Variants in STPG2 observed in about 807,000 individuals in gnomAD.
STPG2 encodes sperm-tail PG-rich repeat-containing protein 2.
A neutral mutation model predicts 54.2 loss-of-function variants in STPG2; 56 were observed. That is an observed-to-expected ratio of 1.03 (90% CI 0.83 to 1.29). The LOEUF is 1.29. STPG2 is among the 50% of genes most tolerant of loss of function. The pLI, the probability that STPG2 is intolerant of heterozygous loss-of-function variation, is 0.00. For missense variants in STPG2, 596 were observed against 544.9 expected (o/e 1.09, Z -0.93); for synonymous variants, 200 against 181.8 (o/e 1.10, Z -0.81).
At chr4:97,952,374 C>A (rs546086539) in intron 7 of STPG2, among the ~76,000 whole-genome samples, 1 of 152,254 alleles carries the variant, frequency 6.6e-6, no homozygotes, top group Non-Finnish European at 1.5e-5. Context: ...CCCAGTACTG[C>A]AACTGTGCCT....
chr4:97,668,762 G>GGAA (rs3974913), intron 10 of STPG2, among the ~76,000 whole-genome samples: 85,583 of 151,514 alleles, frequency 0.56, 24,255 homozygotes, highest in South Asian at 0.66. Flanking sequence ...ATAATGTATA[G>GGAA]GATAGAGTAG....
intron 8 of STPG2, among the ~76,000 whole-genome samples, chr4:97,856,368 T>A (rs1342770711): frequency 6.6e-6 from 1 of 152,228 alleles, no homozygotes; most frequent in Non-Finnish European, 1.5e-5. Flanking sequence ...CTTAAAAAGA[T>A]CCTTCACTTC....
intron 10 of STPG2, among the ~76,000 whole-genome samples, chr4:97,570,934 A>G (rs568422329): frequency 6.6e-6 from 1 of 152,128 alleles, no homozygotes; most frequent in Admixed American, 6.5e-5. Context: ...CTTTCGTTAC[A>G]GGGGTTCATT....
intron 7 of STPG2, among the ~76,000 whole-genome samples, chr4:97,948,448 T>C (rs1328386155): frequency 6.6e-6 from 1 of 152,126 alleles, no homozygotes; most frequent in African/African-American, 2.4e-5. Flanking sequence ...GTTACTTCTT[T>C]TCTTCTAGAT....
At chr4:97,968,806 T>C (rs1734211372) in intron 7 of STPG2, among the ~76,000 whole-genome samples, 1 of 152,218 alleles carries the variant, frequency 6.6e-6, no homozygotes, top group African/African-American at 2.4e-5. Context: ...CTGATTATTG[T>C]AAATACAAAA....
At chr4:97,925,520 G>C (rs1011916565) in intron 8 of STPG2, among the ~76,000 whole-genome samples, 1 of 152,152 alleles carries the variant, frequency 6.6e-6, no homozygotes, top group East Asian at 1.9e-4. Flanking sequence ...CCTGCAGTAA[G>C]AAAATTTATT....
At chr4:97,530,048 A>G (rs2148852575) in intron 4 of STPG2, among the ~76,000 whole-genome samples, 1 of 152,302 alleles carries the variant, frequency 6.6e-6, no homozygotes, top group South Asian at 2.1e-4. Context: ...CTGTGAAATA[A>G]ATCTCCAAAT....
chr4:97,684,056 T>C (rs987851446), intron 10 of STPG2, among the ~76,000 whole-genome samples: 10 of 151,796 alleles, frequency 6.6e-5, no homozygotes, highest in African/African-American at 2.4e-4. Flanking sequence ...ACAAAATAGG[T>C]ACAAGAGATA....
At chr4:98,066,241 T>C (rs1737831420) in intron 5 of STPG2, among the ~76,000 whole-genome samples, 1 of 152,214 alleles carries the variant, frequency 6.6e-6, no homozygotes, top group Non-Finnish European at 1.5e-5. Context: ...TGGGATATAG[T>C]ATGTATTAAT....
At chr4:98,067,616 T>A (rs1737873711) in intron 5 of STPG2, among the ~76,000 whole-genome samples, 1 of 152,178 alleles carries the variant, frequency 6.6e-6, no homozygotes, top group African/African-American at 2.4e-5. Context: ...ATGAAAAATA[T>A]GTTTAATGTC....
chr4:97,958,570 C>A (rs1011854038), intron 7 of STPG2, among the ~76,000 whole-genome samples: 1 of 152,136 alleles, frequency 6.6e-6, no homozygotes, highest in Admixed American at 6.5e-5. Context: ...CAAATGAACA[C>A]CAAAAGCCAG....
chr4:97,678,086 C>CA (rs1722909621), intron 10 of STPG2, among the ~76,000 whole-genome samples: 1 of 150,994 alleles, frequency 6.6e-6, no homozygotes, highest in Non-Finnish European at 1.5e-5. Context: ...GTGAACATAT[C>CA]AGTAAAAAAA....
At chr4:98,108,247 T>A (rs1448220876) in intron 4 of STPG2, among the ~76,000 whole-genome samples, 1 of 152,098 alleles carries the variant, frequency 6.6e-6, no homozygotes, top group African/African-American at 2.4e-5. Context: ...GTCTAGCAAA[T>A]TAATTGAGTA....
rs4699605 is a variant in STPG2, at chr4:98,143,228, A to G, written c.-78T>C. On this transcript the variant is annotated 5_prime_UTR_variant, in exon 1 of 11. Transcript: ENST00000295268. ...AAACAAGGTAGCTAGAAGTGTGGAG[A>G]AAAAGGAAGCCGACACCAGTCTGAG... is the stretch of plus-strand genomic sequence containing the variant. 0.32 allele frequency: 357,923 copies of G among 1,127,468 alleles called. 58,439 individuals carry two copies. Among genetic ancestry groups the G allele is most frequent in the African/African-American group, 0.35 (22,349 of 64,160 alleles). The allele number at this position is 1,127,468 out of a possible 1,614,324, so 69.8% of individuals were successfully genotyped here.
chr4:98,074,977 T>G (rs547244924), intron 5 of STPG2, among the ~76,000 whole-genome samples: 11 of 152,298 alleles, frequency 7.2e-5, no homozygotes, highest in African/African-American at 2.6e-4. Flanking sequence ...GTTATCTACC[T>G]CCAGAGAGGA....
intron 10 of STPG2, among the ~76,000 whole-genome samples, chr4:97,587,794 T>G (rs1044904242): frequency 1.3e-5 from 2 of 152,030 alleles, no homozygotes; most frequent in Non-Finnish European, 2.9e-5. Flanking sequence ...GTTTATTTTC[T>G]AAAGGAATTA....
chr4:97,767,374 T>G (rs189555742), intron 9 of STPG2, among the ~76,000 whole-genome samples: 1 of 152,236 alleles, frequency 6.6e-6, no homozygotes, highest in Non-Finnish European at 1.5e-5. Flanking sequence ...TTTTTACCAT[T>G]TATCCTCAAC....
intron 10 of STPG2, among the ~76,000 whole-genome samples, chr4:97,676,616 T>C (rs1722859768): frequency 6.6e-6 from 1 of 151,590 alleles, no homozygotes; most frequent in Non-Finnish European, 1.5e-5. Context: ...GGCAAGACTG[T>C]ATTAGATTAA....
intron 8 of STPG2, among the ~76,000 whole-genome samples, chr4:97,911,555 C>A (rs1037282038): frequency 1.3e-5 from 2 of 152,222 alleles, no homozygotes; most frequent in Non-Finnish European, 2.9e-5. Flanking sequence ...CAACACAGCA[C>A]AGCTGCTGTG....
Sources: gnomAD v4.1 joint callset for allele counts (sites outside exome capture counted in the v4.1 genomes callset) on GRCh38, gnomAD v4.1.1 for gene constraint, MANE v1.5 for transcripts, NCBI Gene and HGNC (gene_info 2026-07-23, HGNC 2026-07-21) for gene names.